Variants in ACADM observed in about 807,000 individuals in gnomAD.
ACADM encodes the protein medium-chain specific acyl-CoA dehydrogenase, mitochondrial.
ACADM carries 49 observed loss-of-function variants against 58.9 expected under a neutral mutation model. The ratio of observed to expected loss-of-function variants is 0.83; its 90% CI spans 0.66 to 1.06. The LOEUF is 1.06. Among genes scored for constraint, ACADM ranks in the 50% least tolerant of loss-of-function variants. The pLI is 0.00. For missense variants in ACADM, 496 were observed against 507.0 expected, an observed-to-expected ratio of 0.98 and a Z score of 0.21; for synonymous variants, 160 against 157.7, an observed-to-expected ratio of 1.01 and a Z score of -0.11.
chr1:75,731,303 AAAG>A (rs1385741254), intron 2 of ACADM, among the ~76,000 whole-genome samples: 1,702 of 146,184 alleles, frequency 0.012, 75 homozygotes, highest in African/African-American at 0.043. Flanking sequence ...AAAAAAAAAA[AAAG>A]AGATTTGATC....
intron 10 of ACADM, among the ~76,000 whole-genome samples, chr1:75,757,793 C>G (rs1258851719): frequency 3.3e-5 from 5 of 152,198 alleles, no homozygotes; most frequent in Non-Finnish European, 7.3e-5. Flanking sequence ...CACCAAGCAA[C>G]AGACACTAGC....
rs1557455165 is a variant in ACADM at position 75,745,868 on chromosome 1, GATTC to G, written c.666_669del (p.Phe222LeufsTer16). The G allele has an allele frequency of 6.2e-7, 1 of 1,613,920 alleles. No homozygotes were observed. Among genetic ancestry groups the G allele is most frequent in the South Asian group, 1.1e-5 (1 of 91,078 alleles). On this transcript the variant is annotated frameshift_variant, in exon 8 of 12. Coordinates refer to ENST00000370841, the MANE Select transcript of ACADM (RefSeq NM_000016.6). LOFTEE classifies it high-confidence loss of function. ...GCTCCTGCTAATAAAGCCTTTACTG[GATTC>G]ATTGTGGAAGCAGATACCCCAGGAA...
Position 75,734,882 on chromosome 1 carries a change from G to A in ACADM, c.468+11G>A, listed in dbSNP as rs376463004. Reference sequence around the variant, plus strand: ...GAGCCATTGATGTGTGTGAGTATGTGTAACTGCCGCTTTATTTCACACTTA... The same window carrying A: ...GAGCCATTGATGTGTGTGAGTATGTATAACTGCCGCTTTATTTCACACTTA... On this transcript the variant is annotated intron_variant, in intron 6 of 11. Coordinates refer to ENST00000370841, the MANE Select transcript of ACADM (RefSeq NM_000016.6). 1 of 1,597,314 alleles carries A rather than the reference G, an allele frequency of 6.3e-7. No homozygotes were observed. Among genetic ancestry groups the A allele is most frequent in the African/African-American group, 1.3e-5 (1 of 74,574 alleles).
intron 2 of ACADM, 136 bp downstream of exon 2, chr1:75,728,624 T>C: frequency 3.1e-6 from 2 of 647,256 alleles, no homozygotes; most frequent in Non-Finnish European, 2.8e-6. Context: ...ACAGATAATT[T>C]ACAATAACTC....
At chr1:75,743,544 C>T (rs1647703756) in intron 7 of ACADM, 52 of 1,604,774 alleles carry the variant, frequency 3.2e-5, no homozygotes, top group Non-Finnish European at 4.4e-5. Flanking sequence ...TCATGGGCTG[C>T]ACCTCTACCT....
intron 7 of ACADM, among the ~76,000 whole-genome samples, chr1:75,740,394 T>C (rs975134780): frequency 2.0e-5 from 3 of 152,196 alleles, no homozygotes; most frequent in African/African-American, 7.2e-5. Flanking sequence ...ACTTGGCTTA[T>C]TATCTCCACT....
rs1648292288 is a variant in ACADM, at chr1:75,753,065, C to T, written c.945+2519C>T. On this transcript the variant is annotated intron_variant, in intron 10 of 11. Transcript: ENST00000370841. ...TCCAGTCTGGGCAACAGTGTGAGAC[C>T]CTGTCTCAAAACAACAACAATAACA... 3.9e-5 allele frequency among the ~76,000 whole-genome samples: 6 copies of T among 152,242 alleles called. No homozygotes were observed. The South Asian group carries it at 1.2e-3, about 32-fold the overall frequency.
intron 7 of ACADM, 105 bp from the exon 8 acceptor site, chr1:75,745,701 T>C: frequency 1.1e-6 from 1 of 894,864 alleles, no homozygotes; most frequent in Non-Finnish European, 1.9e-6. Flanking sequence ...ATTTGTAAAA[T>C]GTAGGTAATA....
intron 10 of ACADM, among the ~76,000 whole-genome samples, chr1:75,753,461 GTTGCCAGAAC>G (rs1474461161): frequency 6.7e-6 from 1 of 148,716 alleles, no homozygotes; most frequent in African/African-American, 2.5e-5. Context: ...ACTCCTTCAT[GTTGCCAGAAC>G]TACATATGTA....
intron 7 of ACADM, 24 bp from the exon 8 acceptor site, chr1:75,745,782 T>G (rs768249215): frequency 1.3e-6 from 2 of 1,520,840 alleles, no homozygotes; most frequent in South Asian, 2.2e-5. Context: ...ATTATCACCA[T>G]TATCCGGTAT....
intron 7 of ACADM, chr1:75,744,393 T>G: frequency 2.0e-6 from 3 of 1,521,410 alleles, no homozygotes; most frequent in Non-Finnish European, 2.7e-6. Context: ...CCCCATCAGG[T>G]ACGAAAAGAG....
intron 10 of ACADM, among the ~76,000 whole-genome samples, chr1:75,756,005 A>G (rs1413083940): frequency 2.0e-5 from 3 of 152,250 alleles, no homozygotes; most frequent in South Asian, 4.1e-4. Flanking sequence ...AAAGGCCTTC[A>G]GCAAAATTCA....
chr1:75,731,845 G>A (rs1420851402), intron 2 of ACADM, among the ~76,000 whole-genome samples: 3 of 152,036 alleles, frequency 2.0e-5, no homozygotes, highest in Non-Finnish European at 4.4e-5. Context: ...GCATCATAGT[G>A]AGACCCTGTC....
At chr1:75,724,847 C>G (rs757646242) in intron 1 of ACADM, 30 bp downstream of exon 1, 2 of 1,458,648 alleles carry the variant, frequency 1.4e-6, no homozygotes, top group South Asian at 2.9e-5. Context: ...TGCGGTGGGG[C>G]TGGAACATGG....
chr1:75,731,577 A>G (rs74090722), intron 2 of ACADM, among the ~76,000 whole-genome samples: 40,688 of 152,124 alleles, frequency 0.27, 5,680 homozygotes, highest in Middle Eastern at 0.36. Context: ...TACTAATTTC[A>G]TTAATTTTAA....
chr1:75,724,879 G>C (rs369417973), intron 1 of ACADM, 62 bp downstream of exon 1: 21 of 1,365,626 alleles, frequency 1.5e-5, no homozygotes, highest in African/African-American at 3.0e-5. Context: ...TCGGAGCAGG[G>C]GGCCCTGGGC....
Position 75,734,844 on chromosome 1 carries a change from G to T in ACADM, c.441G>T (p.Gly147=), listed in dbSNP as rs2100371058. The stretch of plus-strand genomic sequence containing the variant: ...ATCAACAAAAGAAGAAGTATTTGGG[G>T]AGAATGACTGAGGAGCCATTGATGT... The part of the protein sequence containing the change: ...GNDQQKKKYL[G]RMTEEPLMCA... The change falls in exon 6 of 12, where the codon GGG becomes GGT. Residue 147 remains glycine (G), a synonymous_variant. Transcript: ENST00000370841. 6.2e-7 allele frequency: 1 copy of T among 1,613,762 alleles called. No individual in the cohort carries two copies. Among genetic ancestry groups the T allele is most frequent in the Non-Finnish European group, 8.5e-7 (1 of 1,179,776 alleles).
In ACADM at chr1:75,761,291, C is replaced by A. The variant is rs781424858; in HGVS notation, c.1115C>A (p.Ala372Asp). ...GDIANQLATD[A>D]VQILGGNGFN... Reference sequence around the variant, plus strand: ...ATTGCAAATCAGTTAGCTACTGATGCTGTGCAGATACTTGGAGGCAATGGA... The same window carrying A: ...ATTGCAAATCAGTTAGCTACTGATGATGTGCAGATACTTGGAGGCAATGGA... The change falls in exon 11 of 12, where the codon GCT (alanine) becomes GAT (aspartate). Residue 372 changes from alanine (A) to aspartate (D), a missense_variant. By Grantham distance (126) the Ala-to-Asp change is moderately radical (BLOSUM62 -2). Transcript: ENST00000370841. 1.2e-6 allele frequency: 2 copies of A among 1,613,448 alleles called. No homozygotes were observed. Among genetic ancestry groups the A allele is most frequent in the Admixed American group, 1.7e-5 (1 of 60,008 alleles).
chr1:75,755,921 C>T (rs1198977563), intron 10 of ACADM, among the ~76,000 whole-genome samples: 2 of 152,172 alleles, frequency 1.3e-5, no homozygotes, highest in Non-Finnish European at 2.9e-5. Flanking sequence ...TTCAACATAC[C>T]TTGAATCAAT....
Sources: gnomAD v4.1 joint callset for allele counts (sites outside exome capture counted in the v4.1 genomes callset) on GRCh38, gnomAD v4.1.1 for gene constraint, MANE v1.5 for transcripts, NCBI Gene and HGNC (gene_info 2026-07-23, HGNC 2026-07-21) for gene names.